Variants in CDKAL1 observed in about 807,000 individuals in gnomAD.
The protein encoded by CDKAL1 is threonylcarbamoyladenosine tRNA methylthiotransferase.
A neutral mutation model predicts 68.2 loss-of-function variants in CDKAL1; 32 were observed. The ratio of observed to expected loss-of-function variants is 0.47; its 90% CI spans 0.35 to 0.63. The LOEUF (loss-of-function observed/expected upper bound fraction) is 0.63. CDKAL1 is among the 30% of genes least tolerant of loss of function. The pLI, the probability that CDKAL1 is intolerant of heterozygous loss-of-function variation, is 0.00. For missense variants in CDKAL1, 606 were observed against 696.7 expected, an observed-to-expected ratio of 0.87 and a Z score of 1.47; for synonymous variants, 234 against 244.3, an observed-to-expected ratio of 0.96 and a Z score of 0.39.
intron 5 of CDKAL1, among the ~76,000 whole-genome samples, chr6:20,678,098 T>A (rs996053348): frequency 6.6e-6 from 1 of 151,926 alleles, no homozygotes; most frequent in Non-Finnish European, 1.5e-5. Context: ...GTTGTTTTTT[T>A]TTTTTGACTC....
intron 8 of CDKAL1, among the ~76,000 whole-genome samples, chr6:20,823,179 C>T (rs138391683): frequency 5.9e-5 from 9 of 152,180 alleles, no homozygotes; most frequent in African/African-American, 2.2e-4. Context: ...TGTGAAATTC[C>T]ACTTTCTTAC....
chr6:21,024,771 G>GAT (rs1318333571), intron 11 of CDKAL1, among the ~76,000 whole-genome samples: 1 of 152,148 alleles, frequency 6.6e-6, no homozygotes, highest in Non-Finnish European at 1.5e-5. Context: ...CCTGTCTTGT[G>GAT]ATACTTCATG....
intron 11 of CDKAL1, among the ~76,000 whole-genome samples, chr6:21,022,882 A>G (rs1382135211): frequency 1.3e-5 from 2 of 152,216 alleles, no homozygotes; most frequent in East Asian, 3.8e-4. Context: ...CCATATCTGT[A>G]CAGCACTTAA....
intron 11 of CDKAL1, among the ~76,000 whole-genome samples, chr6:21,016,385 C>A (rs1023065468): frequency 1.3e-5 from 2 of 152,200 alleles, no homozygotes; most frequent in East Asian, 1.9e-4. Context: ...CCTACCTCCC[C>A]ACACCACTTG....
intron 9 of CDKAL1, among the ~76,000 whole-genome samples, chr6:20,894,569 CAG>C (rs1761579472): frequency 6.6e-6 from 1 of 152,054 alleles, no homozygotes; most frequent in Non-Finnish European, 1.5e-5. Flanking sequence ...ACTTCTGAAT[CAG>C]AGATTTTCCA....
At chr6:21,119,489 C>T (rs1582237803) in intron 13 of CDKAL1, among the ~76,000 whole-genome samples, 1 of 152,272 alleles carries the variant, frequency 6.6e-6, no homozygotes. Context: ...CAGTTCTTGA[C>T]ATGTGGGAGG....
intron 8 of CDKAL1, among the ~76,000 whole-genome samples, chr6:20,781,939 C>T (rs905032213): frequency 1.3e-5 from 2 of 152,168 alleles, no homozygotes; most frequent in Non-Finnish European, 2.9e-5. Context: ...CCTAATTACC[C>T]GTACAACCAC....
chr6:21,201,782 T>C (rs184775322), intron 15 of CDKAL1, among the ~76,000 whole-genome samples: 9 of 152,304 alleles, frequency 5.9e-5, no homozygotes, highest in Non-Finnish European at 1.3e-4. Flanking sequence ...TTTTTCTTTC[T>C]ATAAAAAAGT....
At chr6:20,712,051 GC>G (rs1233465469) in intron 5 of CDKAL1, among the ~76,000 whole-genome samples, 2 of 152,128 alleles carry the variant, frequency 1.3e-5, no homozygotes, top group African/African-American at 4.8e-5. Context: ...CCTGAGCACA[GC>G]CCCTCATAGG....
intron 10 of CDKAL1, among the ~76,000 whole-genome samples, chr6:20,978,651 CTAA>C (rs1460148226): frequency 7.2e-5 from 11 of 152,098 alleles, no homozygotes; most frequent in African/African-American, 2.7e-4. Context: ...GGACTACAAG[CTAA>C]TAATTTATTA....
chr6:21,150,495 CT>C lies in CDKAL1; in HGVS notation c.1299+42034del, dbSNP rs1463404901. On this transcript the variant is annotated intron_variant, in intron 13 of 15. Coordinates refer to ENST00000274695, the MANE Select transcript of CDKAL1 (RefSeq NM_017774.3). ...TTCCCTGTGTGACCAAATCTTCACC[CT>C]TAAAACCAAACCTAGTTGGGGCAAT... Among the ~76,000 whole-genome samples, 17 of 152,256 alleles carry C rather than the reference CT, an allele frequency of 1.1e-4. No homozygotes were observed. In the East Asian group the frequency reaches 3.3e-3, roughly 29 times the overall value.
At chr6:20,867,489 T>A (rs1227966961) in intron 9 of CDKAL1, among the ~76,000 whole-genome samples, 2 of 151,802 alleles carry the variant, frequency 1.3e-5, no homozygotes, top group East Asian at 3.9e-4. Flanking sequence ...CGTGTTCAGT[T>A]TAGATGACTG....
chr6:20,783,521 T>C (rs906088434), intron 8 of CDKAL1, among the ~76,000 whole-genome samples: 1 of 152,206 alleles, frequency 6.6e-6, no homozygotes, highest in South Asian at 2.1e-4. Flanking sequence ...CTGTCTTGAC[T>C]GCAGGCCTCC....
In CDKAL1 at chr6:20,781,194, TGGG is replaced by T. The variant is rs1353095552; in HGVS notation, c.570_572del (p.Gly191del). ...AGAAAAAGGATAATGGAAGGCGGCT[TGGG>T]GGAGCACGATTGGATTTGCCGAAGA... On this transcript the variant is annotated inframe_deletion, in exon 8 of 16. Transcript: ENST00000274695. 6.2e-7 allele frequency: 1 copy of T among 1,613,810 alleles called. No homozygotes were observed.
At chr6:20,884,180 T>C (rs1760957500) in intron 9 of CDKAL1, among the ~76,000 whole-genome samples, 1 of 152,094 alleles carries the variant, frequency 6.6e-6, no homozygotes, top group Non-Finnish European at 1.5e-5. Context: ...TCAATCAATA[T>C]AATATAGCAC....
At chr6:21,008,432 G>C (rs969900484) in intron 11 of CDKAL1, among the ~76,000 whole-genome samples, 1 of 152,120 alleles carries the variant, frequency 6.6e-6, no homozygotes, top group African/African-American at 2.4e-5. Context: ...GACCCAGGAG[G>C]AAATAATACC....
At chr6:20,650,372 T>A (rs528008539) in intron 5 of CDKAL1, among the ~76,000 whole-genome samples, 1 of 152,294 alleles carries the variant, frequency 6.6e-6, no homozygotes, top group African/African-American at 2.4e-5. Flanking sequence ...TTGAGAAGTG[T>A]CCATGTGCTT....
At chr6:20,799,971 C>T (rs1776299437) in intron 8 of CDKAL1, among the ~76,000 whole-genome samples, 1 of 152,222 alleles carries the variant, frequency 6.6e-6, no homozygotes, top group African/African-American at 2.4e-5. Flanking sequence ...TAATCAGGCC[C>T]TTATATTTAC....
intron 9 of CDKAL1, among the ~76,000 whole-genome samples, chr6:20,923,387 CTG>C (rs1276477652): frequency 6.6e-6 from 1 of 152,222 alleles, no homozygotes; most frequent in African/African-American, 2.4e-5. Context: ...CTTTGTGTCT[CTG>C]TGCCACATTT....
Sources: allele counts gnomAD v4.1 joint callset (sites outside exome capture counted in the v4.1 genomes callset), GRCh38; gene constraint gnomAD v4.1.1; transcripts MANE v1.5; gene names NCBI Gene and HGNC (gene_info 2026-07-23, HGNC 2026-07-21).